Variants in WNT8B observed in about 807,000 individuals in gnomAD.
WNT8B encodes the protein protein Wnt-8b.
In WNT8B, 24 loss-of-function variants were observed where a neutral mutation model predicts 36.6. The observed-to-expected ratio is 0.66, with a 90% CI of 0.48 to 0.92. The LOEUF is 0.92. Ranked by LOEUF, WNT8B falls within the 40% of genes least tolerant of loss-of-function variation. The pLI is 0.00. For missense variants in WNT8B, 402 were observed against 470.8 expected, an observed-to-expected ratio of 0.85 and a Z score of 1.35; for synonymous variants, 199 against 189.8, an observed-to-expected ratio of 1.05 and a Z score of -0.40.
chr10:100,481,271 A>G (rs1851107845), intron 4 of WNT8B, 148 bp downstream of exon 4: 3 of 1,149,746 alleles, frequency 2.6e-6, no homozygotes, highest in African/African-American at 3.1e-5. Flanking sequence ...CCCAAGCCCT[A>G]CAATGACAAG....
intron 1 of WNT8B, among the ~76,000 whole-genome samples, chr10:100,475,952 G>C (rs1851033189): frequency 6.6e-6 from 1 of 152,132 alleles, no homozygotes; most frequent in African/African-American, 2.4e-5. Context: ...TGATCAAGCA[G>C]TGCTTCTTTT....
chr10:100,463,153 G>A lies in WNT8B; in HGVS notation c.-16G>A, dbSNP rs1430444370. ...CAGTTTTTTGGAATTTTCTCTAGCTGTTACTCCAGAGGATTATGTTTCTTT... is the reference window on the plus strand; with the variant it reads ...CAGTTTTTTGGAATTTTCTCTAGCTATTACTCCAGAGGATTATGTTTCTTT... On this transcript the variant is annotated 5_prime_UTR_variant, in exon 1 of 6. Coordinates refer to ENST00000343737, the MANE Select transcript of WNT8B (RefSeq NM_003393.4). 1 of 1,612,868 alleles carries A rather than the reference G, an allele frequency of 6.2e-7. No homozygotes were observed.
At chr10:100,470,844 C>T (rs901273048) in intron 1 of WNT8B, among the ~76,000 whole-genome samples, 3 of 152,242 alleles carry the variant, frequency 2.0e-5, no homozygotes, top group East Asian at 3.9e-4. Context: ...CAGGTTCAAG[C>T]GGATTCTCCT....
In WNT8B at chr10:100,464,405, G is replaced by C. The variant is rs571849402; in HGVS notation, c.68+1169G>C. Among the ~76,000 whole-genome samples, 436 of 152,158 alleles carry C rather than the reference G, an allele frequency of 2.9e-3. 1 individual carries two copies. The highest frequency in any genetic ancestry group is 0.01 in the African/African-American group (419 of 41,526). Reference sequence around the variant, plus strand: ...TCTCTCCCCCTCATGAGAACAAAAAGACAAAAGGGAGAGGAGACTATTTCA... The same window carrying C: ...TCTCTCCCCCTCATGAGAACAAAAACACAAAAGGGAGAGGAGACTATTTCA... On this transcript the variant is annotated intron_variant, in intron 1 of 5. Transcript: ENST00000343737.
chr10:100,478,014 A>G (rs1055063131), intron 1 of WNT8B, among the ~76,000 whole-genome samples: 4 of 148,634 alleles, frequency 2.7e-5, no homozygotes, highest in African/African-American at 7.5e-5. Flanking sequence ...GAACTCCTGG[A>G]TTCAGGTGAT....
chr10:100,478,946 T>C, intron 1 of WNT8B, 106 bp from the exon 2 acceptor site: 3 of 965,908 alleles, frequency 3.1e-6, no homozygotes, highest in Non-Finnish European at 4.5e-6. Context: ...TTTCCCTTTC[T>C]TCCTATTAAT....
chr10:100,463,448 G>C (rs925119589), intron 1 of WNT8B, among the ~76,000 whole-genome samples: 10 of 152,230 alleles, frequency 6.6e-5, no homozygotes, highest in African/African-American at 2.2e-4. Context: ...TGGGAGCGGG[G>C]GTTCCTATTT....
At position 100,482,491 on chromosome 10, in the gene WNT8B, G is replaced by T; in HGVS notation, c.731G>T (p.Arg244Leu). 1 of 1,602,276 alleles carries T rather than the reference G, an allele frequency of 6.2e-7. No homozygotes were observed. Among genetic ancestry groups the T allele is most frequent in the Non-Finnish European group, 8.5e-7 (1 of 1,179,744 alleles). Reference sequence around the variant, plus strand: ...GACACCTTTCGCTCCATCTCTACCCGGGAGCTGGTGCACCTGGAGGACTCC... The same window carrying T: ...GACACCTTTCGCTCCATCTCTACCCTGGAGCTGGTGCACCTGGAGGACTCC... ...IADTFRSIST[R>L]ELVHLEDSPD... The change falls in exon 6 of 6, where the codon CGG (arginine) becomes CTG (leucine). Residue 244 changes from arginine to leucine, a missense_variant. Transcript: ENST00000343737. This position sits in a 1 kb window ranked among gnomAD's most constrained non-coding sequence, Gnocchi z 6.6.
At chr10:100,466,226 C>T (rs899637194) in intron 1 of WNT8B, among the ~76,000 whole-genome samples, 4 of 151,604 alleles carry the variant, frequency 2.6e-5, no homozygotes, top group Admixed American at 2.6e-4. Flanking sequence ...AAAAAAAATA[C>T]CAGTATAAAA....
Position 100,482,242 on chromosome 10 carries a change from G to C in WNT8B, c.511-29G>C, listed in dbSNP as rs1455519938. 6 of 1,554,582 alleles carry C rather than the reference G, an allele frequency of 3.9e-6. No individual in the cohort carries two copies. Among genetic ancestry groups the C allele is most frequent in the Non-Finnish European group, 5.2e-6 (6 of 1,154,692 alleles). ...TTAAACTCGCCACGCGCTTAATCCG[G>C]GGCCTCTCACTCCTAGCTCTCTCCC... On this transcript the variant is annotated intron_variant, in intron 5 of 5. Transcript: ENST00000343737. This position sits in a 1 kb window ranked among gnomAD's most constrained non-coding sequence, Gnocchi z 6.6.
In WNT8B at chr10:100,482,215, A is replaced by G; in HGVS notation, c.511-56A>G. On this transcript the variant is annotated intron_variant, in intron 5 of 5. Transcript: ENST00000343737. The surrounding 1 kb of genome is among the most constrained non-coding windows in gnomAD (Gnocchi z 6.6). The stretch of plus-strand genomic sequence containing the variant: ...GACTTCTCGCAACTCCCACAGGGGC[A>G]GTTAAACTCGCCACGCGCTTAATCC... 1 of 1,538,510 alleles carries G rather than the reference A, an allele frequency of 6.5e-7. No homozygotes were observed. The highest frequency in any genetic ancestry group is 8.7e-7 in the Non-Finnish European group (1 of 1,145,958).
At chr10:100,472,007 C>A (rs1850982909) in intron 1 of WNT8B, among the ~76,000 whole-genome samples, 1 of 151,640 alleles carries the variant, frequency 6.6e-6, no homozygotes. Flanking sequence ...CCAGCCTGGC[C>A]AACATTATGA....
rs999141944 is a variant in WNT8B at position 100,472,323 on chromosome 10, C to A, written c.69-6729C>A. On this transcript the variant is annotated intron_variant, in intron 1 of 5. Coordinates refer to ENST00000343737, the MANE Select transcript of WNT8B (RefSeq NM_003393.4). ...GACGGGGTTTCACCGTGGTCTCGAT[C>A]TCCTGACCTCATGATCCGCCCGCCT... 2.0e-5 allele frequency among the ~76,000 whole-genome samples: 3 copies of A among 151,884 alleles called. No individual in the cohort carries two copies. In the South Asian group the frequency reaches 6.2e-4, roughly 32 times the overall value.
chr10:100,468,597 A>C (rs879738982), intron 1 of WNT8B, among the ~76,000 whole-genome samples: 1 of 152,248 alleles, frequency 6.6e-6, no homozygotes, highest in African/African-American at 2.4e-5. Flanking sequence ...TAAGTGCTGA[A>C]GTGCTTTTCT....
chr10:100,479,766 C>G, intron 2 of WNT8B, 108 bp from the exon 3 acceptor site: 1 of 1,384,880 alleles, frequency 7.2e-7, no homozygotes, highest in Non-Finnish European at 9.9e-7. Flanking sequence ...AAGGCTTACT[C>G]CATTATTTTG....
chr10:100,471,801 T>C (rs893663667), intron 1 of WNT8B, among the ~76,000 whole-genome samples: 9 of 152,312 alleles, frequency 5.9e-5, no homozygotes, highest in Admixed American at 1.3e-4. Flanking sequence ...TTCTACCTCA[T>C]ATAATTGTGA....
intron 1 of WNT8B, among the ~76,000 whole-genome samples, chr10:100,468,528 G>A (rs961649011): frequency 2.0e-5 from 3 of 152,202 alleles, no homozygotes; most frequent in Non-Finnish European, 4.4e-5. Context: ...CTCTCACTTA[G>A]AGACCAAGGA....
At chr10:100,481,625 GA>G (rs1362848546) in intron 4 of WNT8B, among the ~76,000 whole-genome samples, 1 of 152,178 alleles carries the variant, frequency 6.6e-6, no homozygotes, top group East Asian at 1.9e-4. Context: ...CTGCCCATGC[GA>G]AGAGGCACTG....
chr10:100,480,117 T>G, intron 3 of WNT8B, 105 bp downstream of exon 3: 2 of 1,336,276 alleles, frequency 1.5e-6, no homozygotes, highest in Non-Finnish European at 2.0e-6. Context: ...ACCTGCTCTC[T>G]TCTCTTAGGT....
Sources: allele counts gnomAD v4.1 joint callset (sites outside exome capture counted in the v4.1 genomes callset), GRCh38; gene constraint gnomAD v4.1.1; non-coding constraint Gnocchi (gnomAD v3.1); transcripts MANE v1.5; gene names NCBI Gene and HGNC (gene_info 2026-07-23, HGNC 2026-07-21).